GRIA4: variants seen among roughly 807,000 people sequenced by gnomAD.
The protein encoded by GRIA4 is glutamate ionotropic receptor AMPA type subunit 4.
GRIA4 carries 34 observed loss-of-function variants against 104.0 expected under a neutral mutation model. The ratio of observed to expected loss-of-function variants is 0.33; its 90% CI spans 0.25 to 0.44. GRIA4 has a LOEUF of 0.44. GRIA4 is among the 20% of genes least tolerant of loss of function. The probability of loss-of-function intolerance (pLI) is 1.00; values close to 1 mark genes in which losing one functional copy is unlikely to be tolerated. For missense variants in GRIA4, 750 were observed against 1,096.5 expected (o/e 0.68, Z 4.46); for synonymous variants, 386 against 381.9 (o/e 1.01, Z -0.13).
In GRIA4 at chr11:105,972,004, T is replaced by G; in HGVS notation, c.2385T>G (p.Cys795Trp). Residue 795 changes from cysteine (C) to tryptophan (W), a missense_variant, in exon 15 of 17, where the codon TGT becomes TGG. Cys to Trp is a radical substitution (Grantham distance 215). Around this residue, in one of 3 missense-constraint regions of GRIA4, gnomAD observed 272 missense variants for 524.5 expected, o/e 0.52. Coordinates refer to ENST00000282499, the MANE Select transcript of GRIA4 (RefSeq NM_000829.4). ...KNKWWYDKGE[C>W]GPKDSGSKDK... Reference sequence around the variant, plus strand: ...AATGGTGGTACGATAAAGGTGAATGTGGACCCAAGGACTCTGGAAGCAAGG... The same window carrying G: ...AATGGTGGTACGATAAAGGTGAATGGGGACCCAAGGACTCTGGAAGCAAGG... The G allele has an allele frequency of 6.2e-7, 1 of 1,612,346 alleles. No individual in the cohort carries two copies. Among genetic ancestry groups the G allele is most frequent in the Non-Finnish European group, 8.5e-7 (1 of 1,178,574 alleles).
intron 3 of GRIA4, among the ~76,000 whole-genome samples, chr11:105,743,036 T>C (rs1939414585): frequency 6.6e-6 from 1 of 152,156 alleles, no homozygotes; most frequent in African/African-American, 2.4e-5. Context: ...CAGATTTTTA[T>C]GTTCTGTGTG....
intron 4 of GRIA4, among the ~76,000 whole-genome samples, chr11:105,798,445 G>C (rs943614282): frequency 6.6e-6 from 1 of 152,046 alleles, no homozygotes; most frequent in Non-Finnish European, 1.5e-5. Flanking sequence ...TGGAAAGAGG[G>C]AACAAAGATA....
At chr11:105,914,404 T>C (rs781107176) in intron 10 of GRIA4, among the ~76,000 whole-genome samples, 9 of 152,110 alleles carry the variant, frequency 5.9e-5, no homozygotes, top group Non-Finnish European at 1.2e-4. Context: ...ATTGTAATAA[T>C]TATATTTGTA....
intron 3 of GRIA4, among the ~76,000 whole-genome samples, chr11:105,662,571 G>A (rs1207564426): frequency 6.6e-6 from 1 of 151,890 alleles, no homozygotes; most frequent in Non-Finnish European, 1.5e-5. Context: ...AATCCATAGT[G>A]TGCAAGCAAC....
chr11:105,794,901 T>G (rs892628534), intron 4 of GRIA4, among the ~76,000 whole-genome samples: 2 of 152,048 alleles, frequency 1.3e-5, no homozygotes, highest in Non-Finnish European at 2.9e-5. Context: ...TGTGAAACAT[T>G]AAAAATCACA....
At chr11:105,824,233 T>A (rs1943682850) in intron 4 of GRIA4, among the ~76,000 whole-genome samples, 1 of 152,096 alleles carries the variant, frequency 6.6e-6, no homozygotes, top group African/African-American at 2.4e-5. Context: ...CTTAAGAACA[T>A]CCCACAGCCT....
chr11:105,652,415 C>T (rs897082673), intron 3 of GRIA4, among the ~76,000 whole-genome samples: 2 of 152,234 alleles, frequency 1.3e-5, no homozygotes, highest in Admixed American at 1.3e-4. Context: ...TCTATTTTAA[C>T]ACAGGCTTCC....
rs558939738 is a variant in GRIA4, at chr11:105,745,185, C to T, written c.248-7796C>T. 3.0e-3 allele frequency among the ~76,000 whole-genome samples: 463 copies of T among 151,898 alleles called. 6 individuals carry two copies. The highest frequency in any genetic ancestry group is 0.011 in the African/African-American group (453 of 41,414). ...AATAATAGTAATAAAATAATAATAA[C>T]GATATTAATAAATGAGGCTACATAT... On this transcript the variant is annotated intron_variant, in intron 3 of 16. Coordinates refer to ENST00000282499, the MANE Select transcript of GRIA4 (RefSeq NM_000829.4).
chr11:105,851,543 G>A (rs1944810600), intron 4 of GRIA4, among the ~76,000 whole-genome samples: 1 of 152,206 alleles, frequency 6.6e-6, no homozygotes, highest in South Asian at 2.1e-4. Flanking sequence ...TGAGGCCAGA[G>A]AAGGCTTCTG....
chr11:105,685,182 A>AGAGG (rs1234867553), intron 3 of GRIA4, among the ~76,000 whole-genome samples: 6 of 121,738 alleles, frequency 4.9e-5, no homozygotes, highest in Non-Finnish European at 6.8e-5. Flanking sequence ...AGGGAGGGAG[A>AGAGG]GAGGGAGGGA....
intron 16 of GRIA4, among the ~76,000 whole-genome samples, chr11:105,977,464 T>C (rs1859042059): frequency 6.6e-6 from 1 of 152,020 alleles, no homozygotes; most frequent in Admixed American, 6.5e-5. Flanking sequence ...CATCAGCATA[T>C]GACTTTATCT....
chr11:105,683,413 A>C (rs1304867796), intron 3 of GRIA4, among the ~76,000 whole-genome samples: 1 of 152,076 alleles, frequency 6.6e-6, no homozygotes, highest in Non-Finnish European at 1.5e-5. Flanking sequence ...ATAACAGAGA[A>C]AATTTAATTA....
rs140298577 is a variant in GRIA4, at chr11:105,816,647, T to A, written c.488-45377T>A. Among the ~76,000 whole-genome samples the A allele has an allele frequency of 1.7e-3, 265 of 152,300 alleles. 3 individuals carry two copies. The Middle Eastern group carries it at 0.058, about 33-fold the overall frequency. On this transcript the variant is annotated intron_variant, in intron 4 of 16. Transcript: ENST00000282499. ...TAATAGCAATGCAACAATGGCCTAA[T>A]ACATGATGTCTCATAGTGTCTTACA...
intron 4 of GRIA4, 28 bp downstream of exon 4, chr11:105,753,248 G>A (rs1940108919): frequency 6.2e-7 from 1 of 1,606,456 alleles, no homozygotes; most frequent in Non-Finnish European, 8.5e-7. Flanking sequence ...ATCTATTAGA[G>A]CAAAACTCTA....
At chr11:105,656,407 C>T (rs777436890) in intron 3 of GRIA4, among the ~76,000 whole-genome samples, 134 of 109,042 alleles carry the variant, frequency 1.2e-3, no homozygotes, top group Non-Finnish European at 2.5e-3. Context: ...AGACCTAAAC[C>T]AATAAAAAAA....
chr11:105,931,122 A>T (rs1243604956), intron 13 of GRIA4, among the ~76,000 whole-genome samples: 1 of 152,186 alleles, frequency 6.6e-6, no homozygotes, highest in Non-Finnish European at 1.5e-5. Context: ...GAATGAATGA[A>T]GCATGGCAAC....
intron 3 of GRIA4, among the ~76,000 whole-genome samples, chr11:105,714,695 A>G (rs551928391): frequency 2.6e-5 from 4 of 152,294 alleles, no homozygotes; most frequent in African/African-American, 9.6e-5. Context: ...AAAGATATTT[A>G]TTAAATTATG....
chr11:105,932,582 G>A (rs1418337810), intron 13 of GRIA4, among the ~76,000 whole-genome samples: 1 of 152,144 alleles, frequency 6.6e-6, no homozygotes, highest in African/African-American at 2.4e-5. Flanking sequence ...TAAGTAGTGA[G>A]AGTAATGTAT....
intron 3 of GRIA4, among the ~76,000 whole-genome samples, chr11:105,752,255 A>G (rs1591193199): frequency 6.6e-6 from 1 of 152,204 alleles, no homozygotes; most frequent in Admixed American, 6.5e-5. Context: ...CTCTTACTTT[A>G]TTTGGCTTGC....
Sources: gnomAD v4.1 joint callset for allele counts (sites outside exome capture counted in the v4.1 genomes callset) on GRCh38, gnomAD v4.1.1 for gene constraint, gnomAD v4.1.1 regional missense constraint, MANE v1.5 for transcripts, NCBI Gene and HGNC (gene_info 2026-07-23, HGNC 2026-07-21) for gene names.